Variants in NCKAP5 observed in about 807,000 individuals in gnomAD.
The protein encoded by NCKAP5 is NCK associated protein 5, also known as nck-associated protein 5.
In NCKAP5, 92 loss-of-function variants were observed where a neutral mutation model predicts 167.0. The observed-to-expected ratio is 0.55, with a 90% CI of 0.47 to 0.66. NCKAP5 has a LOEUF of 0.66. Among genes scored for constraint, NCKAP5 ranks in the 30% least tolerant of loss-of-function variants. NCKAP5 has a pLI of 0.00. For synonymous variants in NCKAP5, 891 were observed against 877.4 expected (o/e 1.02, Z -0.27); for missense variants, 2,378 against 2,315.0 (o/e 1.03, Z -0.56).
At chr2:132,873,306 G>T (rs1254424784) in intron 9 of NCKAP5, among the ~76,000 whole-genome samples, 1 of 151,992 alleles carries the variant, frequency 6.6e-6, no homozygotes, top group Admixed American at 6.6e-5. Flanking sequence ...GTGGAGATGG[G>T]GTTTCACCAT....
chr2:132,731,053 TATGCATG>T (rs1690953580), intron 17 of NCKAP5, among the ~76,000 whole-genome samples: 1 of 152,230 alleles, frequency 6.6e-6, no homozygotes, highest in Non-Finnish European at 1.5e-5. Flanking sequence ...TTCCTATATT[TATGCATG>T]TTGTAAAAGC....
At chr2:133,480,294 G>C (rs1433677353) in intron 3 of NCKAP5, among the ~76,000 whole-genome samples, 3 of 152,102 alleles carry the variant, frequency 2.0e-5, no homozygotes, top group Non-Finnish European at 2.9e-5. Flanking sequence ...GAGAGACTGA[G>C]TGGATATGAG....
chr2:132,953,713 A>G (rs1356876216), intron 8 of NCKAP5, among the ~76,000 whole-genome samples: 1 of 151,562 alleles, frequency 6.6e-6, no homozygotes, highest in East Asian at 1.9e-4. Context: ...GAAAAAAAAA[A>G]TAAGCAGTAA....
At chr2:133,161,561 G>T (rs554302605) in intron 5 of NCKAP5, among the ~76,000 whole-genome samples, 238 of 152,258 alleles carry the variant, frequency 1.6e-3, no homozygotes, top group South Asian at 0.012. Context: ...TTGATGCTAA[G>T]TCAGCCTTCC....
In NCKAP5 at chr2:133,564,065, C is replaced by T. The variant is rs561077722; in HGVS notation, c.-130+4151G>A. Among the ~76,000 whole-genome samples, 10 of 151,890 alleles carry T rather than the reference C, an allele frequency of 6.6e-5. No individual in the cohort carries two copies. The South Asian group carries it at 1.9e-3, about 29-fold the overall frequency. Reference sequence around the variant, plus strand: ...AGGAGAATCACTTGAACCTGAGAGGCGGAGGTTGCAGTGAGTGGAGATCGT... The same window carrying T: ...AGGAGAATCACTTGAACCTGAGAGGTGGAGGTTGCAGTGAGTGGAGATCGT... On this transcript the variant is annotated intron_variant, in intron 1 of 19. Transcript: ENST00000409261.
At chr2:132,966,922 C>T (rs2076686319) in intron 7 of NCKAP5, among the ~76,000 whole-genome samples, 1 of 152,108 alleles carries the variant, frequency 6.6e-6, no homozygotes, top group African/African-American at 2.4e-5. Flanking sequence ...AAATAGACCA[C>T]AAACAGGATA....
chr2:133,323,244 A>G (rs545360128), intron 3 of NCKAP5, among the ~76,000 whole-genome samples: 1 of 152,328 alleles, frequency 6.6e-6, no homozygotes, highest in East Asian at 1.9e-4. Flanking sequence ...TAAAATCAGG[A>G]AAAAATCAAT....
chr2:133,246,081 G>C (rs929751822), intron 4 of NCKAP5, among the ~76,000 whole-genome samples: 33 of 152,172 alleles, frequency 2.2e-4, no homozygotes, highest in Non-Finnish European at 2.6e-4. Context: ...CCGTGGAGTG[G>C]AAACATGCAT....
At chr2:132,920,568 G>T (rs953764835) in intron 8 of NCKAP5, among the ~76,000 whole-genome samples, 1 of 149,100 alleles carries the variant, frequency 6.7e-6, no homozygotes. Context: ...TTGCCTGGGG[G>T]TGCTGTGTGT....
intron 4 of NCKAP5, among the ~76,000 whole-genome samples, chr2:133,260,744 C>T (rs2150368076): frequency 6.6e-6 from 1 of 152,194 alleles, no homozygotes; most frequent in East Asian, 1.9e-4. Context: ...AAAAAAGTGA[C>T]TAAGAGGAAA....
intron 6 of NCKAP5, among the ~76,000 whole-genome samples, chr2:133,004,675 G>A (rs542261258): frequency 3.3e-5 from 5 of 152,300 alleles, no homozygotes; most frequent in South Asian, 2.1e-4. Flanking sequence ...CACTGGGCAC[G>A]TATTGTCATT....
intron 3 of NCKAP5, among the ~76,000 whole-genome samples, chr2:133,364,081 A>G (rs904778897): frequency 2.6e-5 from 4 of 152,160 alleles, no homozygotes; most frequent in East Asian, 1.9e-4. Flanking sequence ...CATCATCATC[A>G]TCGTCATCAT....
At chr2:133,593,555 C>T in the NCKAP5 span, among the ~76,000 whole-genome samples, 1 of 152,018 alleles carries the variant, frequency 6.6e-6, no homozygotes, top group Admixed American at 6.5e-5. Context: ...TTTTTATTCT[C>T]TTTTTGCCGA....
intron 3 of NCKAP5, among the ~76,000 whole-genome samples, chr2:133,306,377 G>A (rs994244597): frequency 2.0e-5 from 3 of 152,226 alleles, no homozygotes; most frequent in African/African-American, 7.2e-5. Flanking sequence ...TGTAGGACAA[G>A]AGAGAGGACA....
chr2:133,463,068 C>G (rs545745024), intron 3 of NCKAP5, among the ~76,000 whole-genome samples: 1 of 152,088 alleles, frequency 6.6e-6, no homozygotes, highest in Admixed American at 6.6e-5. Context: ...TTATTGCTCC[C>G]CTGCTTGGCT....
intron 5 of NCKAP5, among the ~76,000 whole-genome samples, chr2:133,212,331 C>T (rs11886866): frequency 1.3e-5 from 2 of 151,930 alleles, no homozygotes; most frequent in African/African-American, 4.8e-5. Context: ...CCTTTATTTT[C>T]TCCCTCTTGT....
chr2:132,965,456 A>AC (rs2149213331), intron 7 of NCKAP5, among the ~76,000 whole-genome samples: 1 of 152,362 alleles, frequency 6.6e-6, no homozygotes, highest in South Asian at 2.1e-4. Context: ...GATGACTGTA[A>AC]GTAAACACTA....
At chr2:132,762,567 G>A (rs1681098155) in intron 16 of NCKAP5, among the ~76,000 whole-genome samples, 4 of 152,190 alleles carry the variant, frequency 2.6e-5, no homozygotes, top group Non-Finnish European at 5.9e-5. Flanking sequence ...TCTCACTGTT[G>A]CCTGTTCAGT....
chr2:132,801,298 G>A (rs1015221987), intron 11 of NCKAP5, among the ~76,000 whole-genome samples: 24 of 152,158 alleles, frequency 1.6e-4, no homozygotes, highest in African/African-American at 5.8e-4. Context: ...CTGAATTTGG[G>A]CCATGATTCG....
Sources: allele counts gnomAD v4.1 joint callset (sites outside exome capture counted in the v4.1 genomes callset), GRCh38; gene constraint gnomAD v4.1.1; transcripts MANE v1.5; gene names NCBI Gene and HGNC (gene_info 2026-07-23, HGNC 2026-07-21).